The following LIMK2 variants were observed in gnomAD, a reference collection of about 807,000 sequenced individuals.
LIMK2 encodes LIM domain kinase 2.
In LIMK2, 35 loss-of-function variants were observed where a neutral mutation model predicts 75.7. The observed-to-expected ratio is 0.46, with a 90% CI of 0.35 to 0.61. The LOEUF is 0.61. Among genes scored for constraint, LIMK2 ranks in the 20% least tolerant of loss-of-function variants. LIMK2 has a pLI of 0.00. For missense variants in LIMK2, 623 were observed against 831.0 expected (o/e 0.75, Z 3.08); for synonymous variants, 301 against 319.2 (o/e 0.94, Z 0.61).
At chr22:31,270,774 G>A (rs1327992410) in intron 11 of LIMK2, among the ~76,000 whole-genome samples, 1 of 152,212 alleles carries the variant, frequency 6.6e-6, no homozygotes, top group Non-Finnish European at 1.5e-5. Context: ...GAGTGGGGAG[G>A]AGGGAGCAGC....
At chr22:31,266,890 C>G in intron 8 of LIMK2, 94 bp from the exon 9 acceptor site, 1 of 860,100 alleles carries the variant, frequency 1.2e-6, no homozygotes, top group South Asian at 1.4e-5. Flanking sequence ...GTGTGCCCTC[C>G]AAGGGATGGG....
intron 13 of LIMK2, chr22:31,272,910 G>A (rs1164255919): frequency 8.9e-6 from 12 of 1,342,090 alleles, no homozygotes; most frequent in African/African-American, 1.5e-5. Context: ...CCATCATGGG[G>A]GATAAGGTGA....
chr22:31,239,433 G>A (rs1365268727), intron 2 of LIMK2, among the ~76,000 whole-genome samples: 1 of 152,184 alleles, frequency 6.6e-6, no homozygotes, highest in Non-Finnish European at 1.5e-5. Flanking sequence ...CCTGCTCAGC[G>A]TTATATGAGC....
intron 1 of LIMK2, chr22:31,222,716 T>G (rs1056392424): frequency 6.6e-6 from 1 of 151,770 alleles, no homozygotes; most frequent in African/African-American, 2.4e-5. Flanking sequence ...AGTGGTTTGG[T>G]TTTTTTTAAA....
At chr22:31,249,799 G>A (rs553300391) in intron 2 of LIMK2, among the ~76,000 whole-genome samples, 119 of 152,282 alleles carry the variant, frequency 7.8e-4, no homozygotes, top group African/African-American at 2.8e-3. Flanking sequence ...GGAATGACCG[G>A]ACCCTGGTAG....
chr22:31,219,656 C>G (rs1312014111), intron 1 of LIMK2, among the ~76,000 whole-genome samples: 1 of 152,158 alleles, frequency 6.6e-6, no homozygotes, highest in Non-Finnish European at 1.5e-5. Flanking sequence ...ACTGCAAGCT[C>G]CACCTCCCGG....
intron 1 of LIMK2, among the ~76,000 whole-genome samples, chr22:31,216,580 A>T (rs1177063679): frequency 1.3e-5 from 2 of 152,190 alleles, no homozygotes; most frequent in Non-Finnish European, 2.9e-5. Context: ...TGAAGAAGGC[A>T]CCAACCAATA....
At chr22:31,220,586 A>G (rs1357632286) in intron 1 of LIMK2, among the ~76,000 whole-genome samples, 1 of 152,254 alleles carries the variant, frequency 6.6e-6, no homozygotes, top group Non-Finnish European at 1.5e-5. Flanking sequence ...AACTGTAATT[A>G]AATAACAAAT....
chr22:31,219,711 A>G (rs2048417924), intron 1 of LIMK2, among the ~76,000 whole-genome samples: 1 of 152,160 alleles, frequency 6.6e-6, no homozygotes, highest in African/African-American at 2.4e-5. Flanking sequence ...AGCTGGGACT[A>G]CAGGCGCCCA....
chr22:31,245,939 G>A (rs62237447), intron 2 of LIMK2, among the ~76,000 whole-genome samples: 3 of 151,938 alleles, frequency 2.0e-5, no homozygotes, highest in South Asian at 2.1e-4. Context: ...TTGGGAGGCC[G>A]AGGCAAGTGG....
At chr22:31,277,185 T>C (rs762633332) in intron 15 of LIMK2, 12 of 1,611,666 alleles carry the variant, frequency 7.4e-6, no homozygotes, top group African/African-American at 1.3e-5. Flanking sequence ...GGACAATCGC[T>C]ACCCCCCGAC....
At chr22:31,228,064 AAGAT>A (rs1053959190) in intron 2 of LIMK2, among the ~76,000 whole-genome samples, 1 of 149,954 alleles carries the variant, frequency 6.7e-6, no homozygotes, top group African/African-American at 2.5e-5. Context: ...TAGAGACAGA[AAGAT>A]AACATATGTA....
chr22:31,259,910 G>A lies in LIMK2; in HGVS notation c.384G>A (p.Val128=), dbSNP rs2048820752. ...TLYCGKCHNE[V]VLAPMFERLS... is the part of the protein sequence containing the mutation. The stretch of plus-strand genomic sequence containing the variant: ...CCAGTGGGAAGTGCCACAATGAGGT[G>A]GTGCTGGCACCCATGTTTGAGAGAC... Residue 128 remains valine (V), a synonymous_variant, in exon 5 of 16, where the codon GTG becomes GTA. Coordinates refer to ENST00000331728, the MANE Select transcript of LIMK2 (RefSeq NM_005569.4). 2 of 1,608,340 alleles carry A rather than the reference G, an allele frequency of 1.2e-6. No homozygotes were observed. The highest frequency in any genetic ancestry group is 1.7e-5 in the Admixed American group (1 of 58,430).
chr22:31,240,866 C>T (rs568542640), intron 2 of LIMK2, among the ~76,000 whole-genome samples: 54 of 152,296 alleles, frequency 3.5e-4, no homozygotes, highest in African/African-American at 1.3e-3. Flanking sequence ...AACAAAATGT[C>T]AATCACCAAA....
chr22:31,224,823 C>T (rs1249687668), intron 1 of LIMK2, among the ~76,000 whole-genome samples: 1 of 152,204 alleles, frequency 6.6e-6, no homozygotes, highest in Non-Finnish European at 1.5e-5. Context: ...TAACAGCCTC[C>T]AACATACAAA....
In LIMK2 at chr22:31,267,903, G is replaced by A. The variant is rs759621133; in HGVS notation, c.1256G>A (p.Ser419Asn). The change falls in exon 10 of 16, where the codon AGT becomes AAT. Residue 419 changes from serine (S) to asparagine (N), a missense_variant. Physicochemically the swap from Ser to Asn is conservative, Grantham distance 46. Coordinates refer to ENST00000331728, the MANE Select transcript of LIMK2 (RefSeq NM_005569.4). The part of the protein sequence containing the change: ...EGGTLKDFLR[S>N]MDPFPWQQKV... ...GGCACACTGAAGGACTTTCTGCGCA[G>A]TATGGTGAGCACACCACCCCATAGT... The A allele has an allele frequency of 3.8e-6, 6 of 1,597,690 alleles. No homozygotes were observed. Among genetic ancestry groups the A allele is most frequent in the Non-Finnish European group, 5.1e-6 (6 of 1,173,234 alleles).
At chr22:31,230,659 TC>T (rs1382503820) in intron 2 of LIMK2, among the ~76,000 whole-genome samples, 2 of 152,146 alleles carry the variant, frequency 1.3e-5, no homozygotes, top group Admixed American at 1.3e-4. Context: ...ATACCTATAC[TC>T]TGGGAAAGGG....
intron 15 of LIMK2, chr22:31,277,416 CAA>C (rs57244615): frequency 0.18 from 162,936 of 893,940 alleles, 3,708 homozygotes; most frequent in African/African-American, 0.43. Flanking sequence ...TGGTGCAGCT[CAA>C]AAAAAAAAAA....
chr22:31,237,654 T>C lies in LIMK2; in HGVS notation c.116+11835T>C, dbSNP rs1474694936. 5.9e-5 allele frequency among the ~76,000 whole-genome samples: 9 copies of C among 152,254 alleles called. 1 individual carries two copies. The highest frequency in any genetic ancestry group is 2.2e-4 in the African/African-American group (9 of 41,544). On this transcript the variant is annotated intron_variant, in intron 2 of 15. Coordinates refer to ENST00000331728, the MANE Select transcript of LIMK2 (RefSeq NM_005569.4). Reference sequence around the variant, plus strand: ...CTGTGAATAAAAGTGTGTGTAGCACTGGGAACACTATTCACAGAGCACTCA... The same window carrying C: ...CTGTGAATAAAAGTGTGTGTAGCACCGGGAACACTATTCACAGAGCACTCA...
Sources: gnomAD v4.1 joint callset for allele counts (sites outside exome capture counted in the v4.1 genomes callset) on GRCh38, gnomAD v4.1.1 for gene constraint, MANE v1.5 for transcripts, NCBI Gene and HGNC (gene_info 2026-07-23, HGNC 2026-07-21) for gene names.